The following ARHGAP42 variants were observed in gnomAD, a reference collection of about 807,000 sequenced individuals.
ARHGAP42 encodes rho GTPase-activating protein 42.
ARHGAP42 carries 63 observed loss-of-function variants against 125.0 expected under a neutral mutation model. That is an observed-to-expected ratio of 0.50 (90% CI 0.41 to 0.62). The LOEUF is 0.62. Among genes scored for constraint, ARHGAP42 ranks in the 20% least tolerant of loss-of-function variants. The probability of loss-of-function intolerance (pLI) is 0.00; values close to 1 mark genes in which losing one functional copy is unlikely to be tolerated. For synonymous variants in ARHGAP42, 339 were observed against 351.0 expected, an observed-to-expected ratio of 0.97 and a Z score of 0.38; for missense variants, 766 against 1,024.2, an observed-to-expected ratio of 0.75 and a Z score of 3.44.
At chr11:100,787,372 T>G (rs1216153416) in intron 2 of ARHGAP42, among the ~76,000 whole-genome samples, 1 of 152,140 alleles carries the variant, frequency 6.6e-6, no homozygotes, top group Non-Finnish European at 1.5e-5. Flanking sequence ...TCGCCACGAT[T>G]GTAAGTTTCC....
intron 5 of ARHGAP42, among the ~76,000 whole-genome samples, chr11:100,920,950 C>A (rs1867222731): frequency 1.3e-5 from 2 of 151,902 alleles, no homozygotes; most frequent in Non-Finnish European, 2.9e-5. Context: ...ATCCAAGATA[C>A]TTTATAGTAT....
At chr11:100,705,013 C>CAACA (rs1461113451) in intron 1 of ARHGAP42, among the ~76,000 whole-genome samples, 17 of 54,754 alleles carry the variant, frequency 3.1e-4, no homozygotes, top group African/African-American at 7.8e-4. Flanking sequence ...ACAACAACAA[C>CAACA]AAAAAAAAAA....
intron 6 of ARHGAP42, among the ~76,000 whole-genome samples, chr11:100,931,962 C>T (rs1867593322): frequency 2.0e-5 from 3 of 152,158 alleles, no homozygotes; most frequent in African/African-American, 7.2e-5. Flanking sequence ...TATAAAAGGG[C>T]AAATGCTACA....
intron 3 of ARHGAP42, among the ~76,000 whole-genome samples, chr11:100,848,040 G>C (rs148657526): frequency 6.6e-6 from 1 of 152,242 alleles, no homozygotes; most frequent in Non-Finnish European, 1.5e-5. Context: ...TTCTTGAAAG[G>C]TCACCTGAGT....
intron 3 of ARHGAP42, among the ~76,000 whole-genome samples, chr11:100,837,997 G>A (rs1463717577): frequency 2.0e-5 from 2 of 102,194 alleles, no homozygotes; most frequent in Admixed American, 2.3e-4. Context: ...TGTTTGTGTT[G>A]TTCTTAGCTG....
At chr11:100,809,264 A>G (rs1864080995) in intron 3 of ARHGAP42, among the ~76,000 whole-genome samples, 1 of 152,112 alleles carries the variant, frequency 6.6e-6, no homozygotes, top group Non-Finnish European at 1.5e-5. Context: ...GAAAAAGAAA[A>G]AAAGAAAGGT....
At chr11:100,691,161 T>A (rs1183226482) in intron 1 of ARHGAP42, among the ~76,000 whole-genome samples, 3 of 152,210 alleles carry the variant, frequency 2.0e-5, no homozygotes, top group Non-Finnish European at 2.9e-5. Context: ...ATATTCTTAC[T>A]GGTGAATAGT....
At chr11:100,833,105 T>C (rs1458968695) in intron 3 of ARHGAP42, among the ~76,000 whole-genome samples, 1 of 152,174 alleles carries the variant, frequency 6.6e-6, no homozygotes, top group African/African-American at 2.4e-5. Context: ...TTACCAAAGG[T>C]CATTTTGACT....
At chr11:100,779,754 G>A (rs1334769497) in intron 2 of ARHGAP42, among the ~76,000 whole-genome samples, 8 of 150,724 alleles carry the variant, frequency 5.3e-5, no homozygotes, top group African/African-American at 9.8e-5. Flanking sequence ...GGCTGGGTGC[G>A]GTGACTCACA....
intron 2 of ARHGAP42, among the ~76,000 whole-genome samples, chr11:100,783,483 G>A (rs11224444): frequency 0.074 from 11,288 of 152,228 alleles, 532 homozygotes; most frequent in Middle Eastern, 0.11. Flanking sequence ...GGTATATGCA[G>A]AAGAAGGCAC....
At chr11:100,837,758 T>C (rs1212926856) in intron 3 of ARHGAP42, among the ~76,000 whole-genome samples, 1 of 145,228 alleles carries the variant, frequency 6.9e-6, no homozygotes, top group Non-Finnish European at 1.5e-5. Flanking sequence ...ATGGGAGGTT[T>C]TTTCCATGGA....
At chr11:100,713,046 G>A (rs1861591067) in intron 1 of ARHGAP42, among the ~76,000 whole-genome samples, 1 of 151,736 alleles carries the variant, frequency 6.6e-6, no homozygotes, top group South Asian at 2.1e-4. Flanking sequence ...GTAAGCACGT[G>A]GTTTTTGTGG....
chr11:100,699,528 T>A (rs1182213690), intron 1 of ARHGAP42, among the ~76,000 whole-genome samples: 24 of 100,742 alleles, frequency 2.4e-4, no homozygotes, highest in Non-Finnish European at 4.1e-4. Flanking sequence ...TTTTTTTTTT[T>A]TTTTTTTTTT....
intron 4 of ARHGAP42, among the ~76,000 whole-genome samples, chr11:100,903,591 C>T (rs1866622805): frequency 6.6e-6 from 1 of 151,100 alleles, no homozygotes; most frequent in South Asian, 2.1e-4. Context: ...CACTGTCTGC[C>T]TCCTAATGCC....
At chr11:100,749,759 GA>G in intron 1 of ARHGAP42, among the ~76,000 whole-genome samples, 1 of 152,122 alleles carries the variant, frequency 6.6e-6, no homozygotes, top group Non-Finnish European at 1.5e-5. Context: ...CCAGCAGTAG[GA>G]CTTATCACCA....
chr11:100,694,183 T>C (rs1349072209), intron 1 of ARHGAP42, among the ~76,000 whole-genome samples: 2 of 152,102 alleles, frequency 1.3e-5, no homozygotes, highest in African/African-American at 4.8e-5. Flanking sequence ...TCCACCCACC[T>C]CAGCTTCCCA....
chr11:100,714,085 C>T (rs1345062495), intron 1 of ARHGAP42, among the ~76,000 whole-genome samples: 1 of 152,152 alleles, frequency 6.6e-6, no homozygotes, highest in Non-Finnish European at 1.5e-5. Flanking sequence ...CAGTATCCTG[C>T]AGTTTCTGTT....
chr11:100,846,189 G>A (rs145774026), intron 3 of ARHGAP42, among the ~76,000 whole-genome samples: 1 of 152,096 alleles, frequency 6.6e-6, no homozygotes, highest in South Asian at 2.1e-4. Context: ...CTGAAACTTG[G>A]CATGCTTAAG....
At chr11:100,708,169 A>G (rs564409353) in intron 1 of ARHGAP42, among the ~76,000 whole-genome samples, 1 of 152,154 alleles carries the variant, frequency 6.6e-6, no homozygotes, top group Admixed American at 6.6e-5. Flanking sequence ...TAAAATGAAG[A>G]TTAAGTCCCT....
Sources: gnomAD v4.1 joint callset for allele counts (sites outside exome capture counted in the v4.1 genomes callset) on GRCh38, gnomAD v4.1.1 for gene constraint, MANE v1.5 for transcripts, NCBI Gene and HGNC (gene_info 2026-07-23, HGNC 2026-07-21) for gene names.